DCLK1: variants seen among roughly 807,000 people sequenced by gnomAD.
DCLK1 encodes the protein serine/threonine-protein kinase DCLK1.
Under a neutral mutation model 86.2 loss-of-function variants are expected in DCLK1, and 16 were observed. The observed-to-expected ratio is 0.19, with a 90% CI of 0.13 to 0.28. The LOEUF (loss-of-function observed/expected upper bound fraction) is 0.28. Among genes scored for constraint, DCLK1 ranks in the 10% least tolerant of loss-of-function variants. The pLI is 1.00. For synonymous variants in DCLK1, 369 were observed against 370.5 expected (o/e 1.00, Z 0.05); for missense variants, 590 against 940.2 (o/e 0.63, Z 4.87).
At chr13:36,123,310 C>T (rs948579272) in intron 2 of DCLK1, among the ~76,000 whole-genome samples, 19 of 152,148 alleles carry the variant, frequency 1.2e-4, no homozygotes, top group African/African-American at 4.6e-4. Context: ...ACACTAAGTG[C>T]AGCTGCATGC....
chr13:35,804,444 A>AT (rs1356396314), intron 15 of DCLK1, among the ~76,000 whole-genome samples: 4 of 150,992 alleles, frequency 2.6e-5, no homozygotes, highest in African/African-American at 9.8e-5. Context: ...TACTATTATT[A>AT]TTTTTTGAGA....
chr13:35,776,483 T>C (rs2086426771), intron 16 of DCLK1, among the ~76,000 whole-genome samples: 1 of 152,206 alleles, frequency 6.6e-6, no homozygotes, highest in African/African-American at 2.4e-5. Context: ...GGCAGTCAGA[T>C]GTGGGGAAGA....
intron 3 of DCLK1, among the ~76,000 whole-genome samples, chr13:36,035,013 C>A (rs1224255603): frequency 6.6e-6 from 1 of 152,152 alleles, no homozygotes; most frequent in African/African-American, 2.4e-5. Context: ...TCCTTTGCTG[C>A]AACCCCCTCT....
intron 2 of DCLK1, among the ~76,000 whole-genome samples, chr13:36,116,695 A>G (rs9602203): frequency 0.047 from 7,187 of 152,280 alleles, 424 homozygotes; most frequent in African/African-American, 0.14. Context: ...AGCATCCTTA[A>G]GTGAAGGATA....
rs570302744 is a variant in DCLK1 at position 36,130,541 on chromosome 13, T to C, written c.-20+573A>G. Reference sequence around the variant, plus strand: ...TTTCCTCTCCGCAAGCTTTTAGCACTGCAGGTACTAATTTGAACATGAGGC... The same window carrying C: ...TTTCCTCTCCGCAAGCTTTTAGCACCGCAGGTACTAATTTGAACATGAGGC... On this transcript the variant is annotated intron_variant, in intron 1 of 16. Transcript: ENST00000360631. 7.9e-5 allele frequency among the ~76,000 whole-genome samples: 12 copies of C among 152,308 alleles called. No individual in the cohort carries two copies. The East Asian group carries it at 2.3e-3, about 29-fold the overall frequency.
At chr13:35,834,947 C>T (rs1461092022) in intron 8 of DCLK1, among the ~76,000 whole-genome samples, 4 of 152,092 alleles carry the variant, frequency 2.6e-5, no homozygotes, top group Non-Finnish European at 4.4e-5. Flanking sequence ...TCCAAAGAGC[C>T]GCAAGGGGTG....
At chr13:35,774,824 C>T in intron 16 of DCLK1, 125 bp from the exon 17 acceptor site, 1 of 1,110,380 alleles carries the variant, frequency 9.0e-7, no homozygotes, top group Non-Finnish European at 1.3e-6. Context: ...CATCATGGCA[C>T]ACTTTTTGTT....
At chr13:35,919,566 C>G (rs750263647) in intron 4 of DCLK1, among the ~76,000 whole-genome samples, 16 of 152,148 alleles carry the variant, frequency 1.1e-4, no homozygotes, top group Non-Finnish European at 2.2e-4. Context: ...GAACGCTGAA[C>G]AGTTTGACCA....
chr13:35,951,932 A>G (rs1830515490), intron 3 of DCLK1, among the ~76,000 whole-genome samples: 1 of 152,174 alleles, frequency 6.6e-6, no homozygotes, highest in Non-Finnish European at 1.5e-5. Flanking sequence ...TTTTGGCACC[A>G]TGGAGATGTC....
chr13:35,815,656 C>T (rs573020616), intron 11 of DCLK1, among the ~76,000 whole-genome samples: 26 of 152,210 alleles, frequency 1.7e-4, no homozygotes, highest in South Asian at 1.5e-3. Flanking sequence ...CCTCTTGCTA[C>T]GGTATATGGC....
chr13:35,870,682 C>T (rs1024356218), intron 5 of DCLK1, among the ~76,000 whole-genome samples: 3 of 152,292 alleles, frequency 2.0e-5, no homozygotes, highest in Non-Finnish European at 2.9e-5. Flanking sequence ...TTGAGGTGCT[C>T]ATCTTGTGCA....
At chr13:35,957,934 CACT>C (rs1280987989) in intron 3 of DCLK1, among the ~76,000 whole-genome samples, 3 of 151,698 alleles carry the variant, frequency 2.0e-5, no homozygotes, top group Middle Eastern at 3.2e-3. Context: ...TAACCATCAC[CACT>C]ACCACTACTA....
In DCLK1 at chr13:36,052,860, C is replaced by T. The variant is rs144109040; in HGVS notation, c.723+59009G>A. Among the ~76,000 whole-genome samples, 32 of 152,310 alleles carry T rather than the reference C, an allele frequency of 2.1e-4. No individual in the cohort carries two copies. The East Asian group carries it at 5.8e-3, about 28-fold the overall frequency. On this transcript the variant is annotated intron_variant, in intron 3 of 16. Transcript: ENST00000360631. ...TCTATGAACCCCTAGACAAACCACA[C>T]TCCCCACCCAAACACTCATTCTGTC...
At position 35,854,487 on chromosome 13, in the gene DCLK1, T is replaced by G; in HGVS notation, c.1035+12A>C. 6.3e-7 allele frequency: 1 copy of G among 1,587,350 alleles called. No homozygotes were observed. Among genetic ancestry groups the G allele is most frequent in the Non-Finnish European group, 8.6e-7 (1 of 1,166,598 alleles). ...GACAGGTCTGAAACAAGCAGCTTGC[T>G]TATTTCCTTACCCTCTGCTTCCGCA... is the stretch of plus-strand genomic sequence containing the variant. On this transcript the variant is annotated intron_variant, in intron 6 of 16. Coordinates refer to ENST00000360631, the MANE Select transcript of DCLK1 (RefSeq NM_001330071.2).
At chr13:35,882,708 GCCACCTTGCC>G (rs1192155149) in intron 4 of DCLK1, among the ~76,000 whole-genome samples, 112 of 152,226 alleles carry the variant, frequency 7.4e-4, no homozygotes, top group African/African-American at 2.3e-3. Context: ...CCCCAATACT[GCCACCTTGCC>G]TGGTTAACGT....
intron 4 of DCLK1, among the ~76,000 whole-genome samples, chr13:35,940,594 A>G (rs1446735604): frequency 6.6e-6 from 1 of 152,150 alleles, no homozygotes; most frequent in East Asian, 1.9e-4. Context: ...ACCCAAATCA[A>G]CATGGGCACG....
chr13:36,092,133 C>T (rs140893761), intron 3 of DCLK1, among the ~76,000 whole-genome samples: 118 of 152,220 alleles, frequency 7.8e-4, no homozygotes, highest in African/African-American at 2.3e-3. Context: ...TACTGTTGAC[C>T]ATATACAACT....
At chr13:36,118,064 T>C (rs973136119) in intron 2 of DCLK1, among the ~76,000 whole-genome samples, 1 of 143,474 alleles carries the variant, frequency 7.0e-6, no homozygotes, top group African/African-American at 2.6e-5. Flanking sequence ...GGATATTCTC[T>C]GATATATTAA....
intron 4 of DCLK1, among the ~76,000 whole-genome samples, chr13:35,929,074 C>T (rs1016105016): frequency 7.9e-5 from 12 of 152,046 alleles, no homozygotes; most frequent in Non-Finnish European, 7.4e-5. Flanking sequence ...GGACTACAGG[C>T]GCCCACCACC....
Sources: gnomAD v4.1 joint callset for allele counts (sites outside exome capture counted in the v4.1 genomes callset) on GRCh38, gnomAD v4.1.1 for gene constraint, MANE v1.5 for transcripts, NCBI Gene and HGNC (gene_info 2026-07-23, HGNC 2026-07-21) for gene names.